Variants in PPEF2 observed in about 807,000 individuals in gnomAD.
The protein encoded by PPEF2 is protein phosphatase with EF-hand domain 2, also known as serine/threonine-protein phosphatase with EF-hands 2.
A neutral mutation model predicts 84.7 loss-of-function variants in PPEF2; 84 were observed. The ratio of observed to expected loss-of-function variants is 0.99; its 90% CI spans 0.83 to 1.19. PPEF2 has a LOEUF of 1.19. PPEF2 is among the 50% of genes most tolerant of loss of function. The pLI is 0.00. For synonymous variants in PPEF2, 346 were observed against 345.2 expected, an observed-to-expected ratio of 1.00 and a Z score of -0.03; for missense variants, 924 against 937.5, an observed-to-expected ratio of 0.99 and a Z score of 0.19.
intron 2 of PPEF2, among the ~76,000 whole-genome samples, chr4:75,893,890 A>G (rs747144884): frequency 6.6e-6 from 1 of 150,724 alleles, no homozygotes; most frequent in Non-Finnish European, 1.5e-5. Flanking sequence ...CCGGTTGACT[A>G]TCTGGTAGGG....
intron 10 of PPEF2, among the ~76,000 whole-genome samples, chr4:75,880,595 C>T (rs1021923): frequency 0.87 from 131,863 of 152,202 alleles, 59,928 homozygotes; most frequent in Non-Finnish European, 0.99. Flanking sequence ...TCTACTGTGG[C>T]TTGCTGTCTC....
intron 13 of PPEF2, among the ~76,000 whole-genome samples, chr4:75,867,636 A>T (rs1399907440): frequency 6.6e-6 from 1 of 152,194 alleles, no homozygotes; most frequent in African/African-American, 2.4e-5. Flanking sequence ...GTTAGAGAAG[A>T]AGTTCTGGAG....
intron 4 of PPEF2, 37 bp downstream of exon 4, chr4:75,891,611 C>A: frequency 6.4e-7 from 1 of 1,570,860 alleles, no homozygotes; most frequent in East Asian, 2.2e-5. Context: ...TATGGCCTTG[C>A]GACAGGAGGA....
intron 10 of PPEF2, among the ~76,000 whole-genome samples, chr4:75,877,549 C>T (rs530024409): frequency 1.4e-4 from 22 of 152,180 alleles, no homozygotes; most frequent in African/African-American, 4.6e-4. Flanking sequence ...TGTTCCTGGC[C>T]TGGGACAAGG....
intron 10 of PPEF2, 87 bp downstream of exon 10, chr4:75,882,839 G>C (rs777213140): frequency 2.1e-6 from 3 of 1,417,672 alleles, no homozygotes; most frequent in African/African-American, 2.8e-5. Flanking sequence ...ATAATCAGTT[G>C]ACTGCAGTCA....
chr4:75,886,912 A>G lies in PPEF2; in HGVS notation c.533-14T>C. The G allele has an allele frequency of 1.4e-6, 2 of 1,387,454 alleles. No individual in the cohort carries two copies. Among genetic ancestry groups the G allele is most frequent in the Non-Finnish European group, 2.0e-6 (2 of 999,184 alleles). 85.9% of individuals were successfully genotyped at this position (1,387,454 alleles called of 1,614,324 possible). A position where few individuals can be genotyped will look rare whatever the true frequency, so the allele number is the denominator to read the frequency against. The stretch of plus-strand genomic sequence containing the variant: ...CATGTAAGTCTCCTAACAAAGATAG[A>G]AAAAGAATATCAATTCTGATTGTTC... On this transcript the variant is annotated splice_polypyrimidine_tract_variant and intron_variant, in intron 6 of 16. Transcript: ENST00000286719.
chr4:75,896,403 A>C lies in PPEF2; in HGVS notation c.-58-20T>G. ...TGTTTGCTGACAAAATGAAGAGAGA[A>C]TCTGTAATAGGAGATGCAGGCAGAG... On this transcript the variant is annotated intron_variant, in intron 1 of 16. Transcript: ENST00000286719. 6.7e-7 allele frequency: 1 copy of C among 1,489,660 alleles called. No homozygotes were observed. The highest frequency in any genetic ancestry group is 9.4e-7 in the Non-Finnish European group (1 of 1,066,910). The allele number at this position is 1,489,660 out of a possible 1,614,324, so 92.3% of individuals were successfully genotyped here.
chr4:75,890,330 A>C (rs1218847968), intron 4 of PPEF2, among the ~76,000 whole-genome samples, 198 bp from the exon 5 acceptor site: 1 of 152,062 alleles, frequency 6.6e-6, no homozygotes, highest in Admixed American at 6.6e-5. Context: ...TACAAAAAAA[A>C]TTTAAAAATT....
chr4:75,898,539 C>G (rs1423361409), intron 1 of PPEF2, among the ~76,000 whole-genome samples: 1 of 152,226 alleles, frequency 6.6e-6, no homozygotes, highest in Non-Finnish European at 1.5e-5. Context: ...ATCCTGTTCA[C>G]ATTTCCATCA....
In PPEF2 at chr4:75,864,543, C is replaced by T; in HGVS notation, c.1921-16G>A. 1 of 1,581,378 alleles carries T rather than the reference C, an allele frequency of 6.3e-7. No homozygotes were observed. Among genetic ancestry groups the T allele is most frequent in the Non-Finnish European group, 8.7e-7 (1 of 1,150,612 alleles). On this transcript the variant is annotated splice_polypyrimidine_tract_variant and intron_variant, in intron 15 of 16. Coordinates refer to ENST00000286719, the MANE Select transcript of PPEF2 (RefSeq NM_006239.3). ...ATTGTATGTTCTGCAAGAAAAAATT[C>T]ATTTTCCTTCTTTGTCATACGTTTA...
At position 75,894,104 on chromosome 4, in the gene PPEF2, C is replaced by T. The variant is rs1453985884; in HGVS notation, c.56-2126G>A. Among the ~76,000 whole-genome samples, 4 of 152,144 alleles carry T rather than the reference C, an allele frequency of 2.6e-5. No homozygotes were observed. The East Asian group carries it at 7.7e-4, about 29-fold the overall frequency. On this transcript the variant is annotated intron_variant, in intron 2 of 16. Transcript: ENST00000286719. ...TGTAAAAACTCTACATATAACAACACTGTGAGAAAATTGTGAACCAAGGCA... is the reference window on the plus strand; with the variant it reads ...TGTAAAAACTCTACATATAACAACATTGTGAGAAAATTGTGAACCAAGGCA...
chr4:75,860,663 G>A lies in PPEF2; in HGVS notation c.*4C>T. On this transcript the variant is annotated 3_prime_UTR_variant, in exon 17 of 17. Transcript: ENST00000286719. Reference sequence around the variant, plus strand: ...CACTTTGGGTGATGAAGACCAGGCTGTTCTTAGTGTGCACCTGGACTGCTG... The same window carrying A: ...CACTTTGGGTGATGAAGACCAGGCTATTCTTAGTGTGCACCTGGACTGCTG... 3.7e-6 allele frequency: 6 copies of A among 1,613,746 alleles called. No homozygotes were observed. The highest frequency in any genetic ancestry group is 5.1e-6 in the Non-Finnish European group (6 of 1,179,864).
At chr4:75,884,463 T>A in intron 8 of PPEF2, 131 bp downstream of exon 8, 2 of 1,094,352 alleles carry the variant, frequency 1.8e-6, no homozygotes, top group Non-Finnish European at 2.6e-6. Context: ...TTATATACTG[T>A]GTATTCTGCT....
intron 1 of PPEF2, among the ~76,000 whole-genome samples, chr4:75,897,051 C>T (rs896328766): frequency 3.9e-5 from 6 of 152,040 alleles, no homozygotes; most frequent in East Asian, 1.9e-4. Flanking sequence ...GACGGGGTTT[C>T]GCTGTGTTAG....
At chr4:75,885,529 C>A (rs1724698282) in intron 7 of PPEF2, among the ~76,000 whole-genome samples, 1 of 152,142 alleles carries the variant, frequency 6.6e-6, no homozygotes, top group African/African-American at 2.4e-5. Context: ...GCTGACTTTT[C>A]TATTATTTAT....
intron 13 of PPEF2, among the ~76,000 whole-genome samples, chr4:75,867,942 C>G (rs1724171448): frequency 6.6e-6 from 1 of 151,894 alleles, no homozygotes; most frequent in Non-Finnish European, 1.5e-5. Flanking sequence ...CTTATTGGGT[C>G]AATAGAGTAA....
At chr4:75,898,826 A>G (rs185126977) in intron 1 of PPEF2, among the ~76,000 whole-genome samples, 7 of 152,136 alleles carry the variant, frequency 4.6e-5, no homozygotes, top group South Asian at 4.1e-4. Flanking sequence ...TGGCATATCC[A>G]TCACCTTAAA....
chr4:75,897,902 G>A (rs1053579546), intron 1 of PPEF2, among the ~76,000 whole-genome samples: 9 of 152,142 alleles, frequency 5.9e-5, no homozygotes, highest in Non-Finnish European at 8.8e-5. Context: ...ATAGAGGTGC[G>A]AAGTGGGAAA....
intron 2 of PPEF2, 101 bp from the exon 3 acceptor site, chr4:75,892,079 T>C: frequency 6.9e-7 from 1 of 1,459,800 alleles, no homozygotes; most frequent in South Asian, 1.3e-5. Flanking sequence ...CCACTGTATA[T>C]GTGAGGACAA....
Sources: allele counts gnomAD v4.1 joint callset (sites outside exome capture counted in the v4.1 genomes callset), GRCh38; gene constraint gnomAD v4.1.1; transcripts MANE v1.5; gene names NCBI Gene and HGNC (gene_info 2026-07-23, HGNC 2026-07-21).